Variants in CILK1 observed in about 807,000 individuals in gnomAD.
CILK1 encodes the protein serine/threonine-protein kinase ICK.
Under a neutral mutation model 79.2 loss-of-function variants are expected in CILK1, and 47 were observed. The observed-to-expected ratio is 0.59, with a 90% CI of 0.47 to 0.76. The LOEUF (loss-of-function observed/expected upper bound fraction) is 0.76, where lower values mean the gene tolerates loss of function less well. Among genes scored for constraint, CILK1 ranks in the 30% least tolerant of loss-of-function variants. CILK1 has a pLI of 0.00. For synonymous variants in CILK1, 266 were observed against 275.9 expected (o/e 0.96, Z 0.36); for missense variants, 660 against 769.5 (o/e 0.86, Z 1.68).
intron 5 of CILK1, among the ~76,000 whole-genome samples, chr6:53,030,403 C>T (rs1765859179): frequency 6.6e-6 from 1 of 152,176 alleles, no homozygotes. Flanking sequence ...TTCTGCTTTT[C>T]TTGGGTAACT....
At chr6:53,053,898 T>C (rs563700789) in intron 1 of CILK1, among the ~76,000 whole-genome samples, 229 of 152,164 alleles carry the variant, frequency 1.5e-3, no homozygotes, top group African/African-American at 5.2e-3. Flanking sequence ...TTACTTTTGG[T>C]GGAATTAGGG....
chr6:53,017,967 T>C (rs984285724), intron 7 of CILK1, among the ~76,000 whole-genome samples: 1 of 152,092 alleles, frequency 6.6e-6, no homozygotes, highest in African/African-American at 2.4e-5. Flanking sequence ...GAAAATCCCA[T>C]AGAGCGTTGT....
chr6:53,018,262 A>G, intron 7 of CILK1, 68 bp downstream of exon 7: 1 of 1,473,800 alleles, frequency 6.8e-7, no homozygotes, highest in East Asian at 2.3e-5. Context: ...AGTGCTGAAC[A>G]GGGCTGAGCG....
At chr6:53,006,703 A>G (rs757628316) in intron 12 of CILK1, among the ~76,000 whole-genome samples, 1 of 152,204 alleles carries the variant, frequency 6.6e-6, no homozygotes, top group Non-Finnish European at 1.5e-5. Flanking sequence ...AAAAAAGGGA[A>G]ATATGACATT....
intron 6 of CILK1, 54 bp from the exon 7 acceptor site, chr6:53,018,555 A>T (rs1765030151): frequency 2.6e-6 from 4 of 1,530,916 alleles, no homozygotes; most frequent in Non-Finnish European, 3.6e-6. Context: ...CAGACATTAA[A>T]TTAAATAACA....
chr6:53,034,003 C>T (rs943129852), intron 3 of CILK1, among the ~76,000 whole-genome samples: 6 of 152,198 alleles, frequency 3.9e-5, no homozygotes, highest in East Asian at 1.9e-4. Flanking sequence ...TTACTTCTTT[C>T]GGTCGGGTTG....
chr6:53,052,529 G>A (rs1242980726), intron 1 of CILK1, among the ~76,000 whole-genome samples: 3 of 152,000 alleles, frequency 2.0e-5, no homozygotes, highest in East Asian at 3.9e-4. Flanking sequence ...TCAGGAGTTC[G>A]AGATCAGCCT....
In CILK1 at chr6:53,032,621, T is replaced by G. The variant is rs778269717; in HGVS notation, c.190A>C (p.Lys64Gln). Residue 64 changes from lysine (K) to glutamine (Q), a missense_variant, in exon 4 of 14, where the codon AAA becomes CAA. By Grantham distance (53) the Lys-to-Gln change is moderately conservative (BLOSUM62 1). Transcript: ENST00000676107. ...TTTTCCCTGATAACTTCTTTTAATT[T>G]GACTACATTGGCATGGTTGAGCTTC... The part of the protein sequence containing the change: ...LKKLNHANVV[K>Q]LKEVIRENDH... 6.2e-7 allele frequency: 1 copy of G among 1,607,222 alleles called. No individual in the cohort carries two copies. The highest frequency in any genetic ancestry group is 8.5e-7 in the Non-Finnish European group (1 of 1,175,158).
chr6:53,054,125 C>T (rs1158305205), intron 1 of CILK1, among the ~76,000 whole-genome samples: 1 of 152,212 alleles, frequency 6.6e-6, no homozygotes, highest in South Asian at 2.1e-4. Context: ...TGCCCCAGTG[C>T]CTCAGCCAGG....
chr6:53,044,258 A>G (rs1766909054), intron 1 of CILK1, among the ~76,000 whole-genome samples: 1 of 152,168 alleles, frequency 6.6e-6, no homozygotes, highest in Non-Finnish European at 1.5e-5. Flanking sequence ...TCAGATCAGC[A>G]GCGGCGGCAT....
At chr6:53,008,504 C>T (rs1329659645) in intron 12 of CILK1, among the ~76,000 whole-genome samples, 1 of 151,872 alleles carries the variant, frequency 6.6e-6, no homozygotes, top group Non-Finnish European at 1.5e-5. Flanking sequence ...TGGCTCACTG[C>T]AACCTCCGCC....
chr6:53,020,109 T>C (rs544931612), intron 5 of CILK1, among the ~76,000 whole-genome samples: 1 of 152,350 alleles, frequency 6.6e-6, no homozygotes, highest in South Asian at 2.1e-4. Flanking sequence ...TGTTTAAATG[T>C]TAAGTACTTA....
intron 1 of CILK1, among the ~76,000 whole-genome samples, chr6:53,045,988 C>T (rs1232749083): frequency 6.6e-6 from 1 of 152,116 alleles, no homozygotes; most frequent in Non-Finnish European, 1.5e-5. Context: ...GAATATTTTT[C>T]TTCATGTCCA....
rs1319517447 is a variant in CILK1, at chr6:53,004,956, C to G, written c.*193G>C. On this transcript the variant is annotated 3_prime_UTR_variant, in exon 14 of 14. Coordinates refer to ENST00000676107, the MANE Select transcript of CILK1 (RefSeq NM_014920.5). ...AATAAAATAATTTTATACAAAAAAGCCTACTGCATTCAAATCAATATTTTA... is the reference window on the plus strand; with the variant it reads ...AATAAAATAATTTTATACAAAAAAGGCTACTGCATTCAAATCAATATTTTA... The G allele has an allele frequency of 3.6e-6, 2 of 557,352 alleles. No homozygotes were observed. Among genetic ancestry groups the G allele is most frequent in the African/African-American group, 3.8e-5 (2 of 53,158 alleles). The allele number at this position is 557,352 out of a possible 1,614,324, so 34.5% of individuals were successfully genotyped here.
At chr6:53,045,498 C>T (rs1767004197) in intron 1 of CILK1, among the ~76,000 whole-genome samples, 1 of 152,158 alleles carries the variant, frequency 6.6e-6, no homozygotes, top group Non-Finnish European at 1.5e-5. Flanking sequence ...TCATTATATA[C>T]ATGAGATATT....
intron 5 of CILK1, among the ~76,000 whole-genome samples, chr6:53,023,688 T>C (rs1765393847): frequency 6.6e-6 from 1 of 152,196 alleles, no homozygotes; most frequent in African/African-American, 2.4e-5. Context: ...GATTGTGATG[T>C]GGTTATATGT....
chr6:53,019,719 T>C (rs1445580646), intron 5 of CILK1, among the ~76,000 whole-genome samples: 4 of 152,114 alleles, frequency 2.6e-5, no homozygotes, highest in African/African-American at 9.7e-5. Context: ...TAGGTTGGAG[T>C]GCAGTGGCAC....
chr6:53,045,863 A>T (rs1227296903), intron 1 of CILK1, among the ~76,000 whole-genome samples: 1 of 151,944 alleles, frequency 6.6e-6, no homozygotes, highest in Non-Finnish European at 1.5e-5. Flanking sequence ...ACTAATAAAC[A>T]ATGTCTTTAT....
At chr6:53,050,815 G>A (rs1328771678) in intron 1 of CILK1, among the ~76,000 whole-genome samples, 7 of 152,130 alleles carry the variant, frequency 4.6e-5, no homozygotes, top group East Asian at 1.9e-4. Context: ...GCAACAGAGC[G>A]AGACCCTGTC....
Sources: allele counts gnomAD v4.1 joint callset (sites outside exome capture counted in the v4.1 genomes callset), GRCh38; gene constraint gnomAD v4.1.1; transcripts MANE v1.5; gene names NCBI Gene and HGNC (gene_info 2026-07-23, HGNC 2026-07-21).